The following OXR1 variants were observed in gnomAD, a reference collection of about 807,000 sequenced individuals.
OXR1 encodes the protein oxidation resistance 1, also known as oxidation resistance protein 1.
OXR1 carries 41 observed loss-of-function variants against 104.6 expected under a neutral mutation model. The ratio of observed to expected loss-of-function variants is 0.39; its 90% CI spans 0.31 to 0.51. The LOEUF (loss-of-function observed/expected upper bound fraction) is 0.51. OXR1 is among the 20% of genes least tolerant of loss of function. The pLI, the probability that OXR1 is intolerant of heterozygous loss-of-function variation, is 0.77. For synonymous variants in OXR1, 348 were observed against 348.4 expected (o/e 1.00, Z 0.01); for missense variants, 955 against 1,031.9 (o/e 0.93, Z 1.02).
At chr8:106,503,755 C>T (rs1039335900) in intron 2 of OXR1, among the ~76,000 whole-genome samples, 2 of 152,154 alleles carry the variant, frequency 1.3e-5, no homozygotes, top group Non-Finnish European at 2.9e-5. Context: ...AAGATGTGGC[C>T]TTACAAGAGA....
chr8:106,667,323 A>G (rs1379940955), intron 3 of OXR1, among the ~76,000 whole-genome samples: 1 of 152,216 alleles, frequency 6.6e-6, no homozygotes, highest in Non-Finnish European at 1.5e-5. Flanking sequence ...GTTTTCCTTA[A>G]TGATATTTCT....
chr8:106,708,610 T>C lies in OXR1; in HGVS notation c.1624+1465T>C, dbSNP rs139355015. Among the ~76,000 whole-genome samples the C allele has an allele frequency of 5.6e-4, 85 of 152,338 alleles. 1 individual carries two copies. In the East Asian group the frequency reaches 0.016, roughly 28 times the overall value. On this transcript the variant is annotated intron_variant, in intron 9 of 16. Transcript: ENST00000517566. ...TTATTCTGTAATATGTGTCAGAATT[T>C]CCTATCTTTTTAAGGCTGAATAATA...
intron 2 of OXR1, among the ~76,000 whole-genome samples, chr8:106,516,984 G>A (rs1812903022): frequency 6.6e-6 from 1 of 152,068 alleles, no homozygotes; most frequent in African/African-American, 2.4e-5. Flanking sequence ...TGGAAGTTTT[G>A]AAATATATCC....
intron 1 of OXR1, among the ~76,000 whole-genome samples, chr8:106,279,195 C>T (rs927992670): frequency 1.3e-5 from 2 of 152,122 alleles, no homozygotes; most frequent in Admixed American, 6.5e-5. Context: ...GGGTGTATAA[C>T]AGAGAAAGCA....
chr8:106,564,576 C>T (rs569835242), intron 3 of OXR1, among the ~76,000 whole-genome samples: 1 of 152,128 alleles, frequency 6.6e-6, no homozygotes, highest in African/African-American at 2.4e-5. Context: ...TGGTACCATT[C>T]CTTCTGAAAC....
At chr8:106,574,961 G>T (rs529040587) in intron 3 of OXR1, among the ~76,000 whole-genome samples, 117 of 152,148 alleles carry the variant, frequency 7.7e-4, no homozygotes, top group African/African-American at 2.4e-3. Context: ...TCTTTAGTTG[G>T]TTTTTTATGG....
At chr8:106,333,293 T>A (rs1222524815) in intron 1 of OXR1, among the ~76,000 whole-genome samples, 1 of 152,116 alleles carries the variant, frequency 6.6e-6, no homozygotes, top group East Asian at 1.9e-4. Flanking sequence ...AACCTTCTAG[T>A]CAACATTTTA....
chr8:106,303,936 T>C (rs997323641), intron 1 of OXR1, among the ~76,000 whole-genome samples: 2 of 152,186 alleles, frequency 1.3e-5, no homozygotes, highest in African/African-American at 4.8e-5. Flanking sequence ...TATTAACAAA[T>C]TAATCTGTAA....
At chr8:106,407,075 C>A (rs752981603) in intron 2 of OXR1, among the ~76,000 whole-genome samples, 8 of 152,116 alleles carry the variant, frequency 5.3e-5, no homozygotes, top group Non-Finnish European at 1.2e-4. Flanking sequence ...AATATAAAGA[C>A]TATTACTAAA....
chr8:106,688,869 T>G (rs942151729), intron 6 of OXR1, among the ~76,000 whole-genome samples: 1 of 152,106 alleles, frequency 6.6e-6, no homozygotes, highest in Non-Finnish European at 1.5e-5. Context: ...TGATGACTAC[T>G]AGCAAGTGCA....
intron 3 of OXR1, among the ~76,000 whole-genome samples, chr8:106,657,177 G>T (rs1339410387): frequency 6.6e-6 from 1 of 151,990 alleles, no homozygotes. Flanking sequence ...CCTCAATAAC[G>T]TTGCCTAAAC....
intron 10 of OXR1, among the ~76,000 whole-genome samples, chr8:106,711,535 C>G (rs1044783866): frequency 6.6e-6 from 1 of 152,054 alleles, no homozygotes; most frequent in Non-Finnish European, 1.5e-5. Flanking sequence ...ATTTACATAT[C>G]TGTGTGTGTA....
At chr8:106,435,810 T>A (rs10092860) in intron 2 of OXR1, among the ~76,000 whole-genome samples, 34,403 of 152,072 alleles carry the variant, frequency 0.23, 5,409 homozygotes, top group African/African-American at 0.42. Flanking sequence ...TCAGGTATAG[T>A]AACCATTCTT....
Position 106,507,382 on chromosome 8 carries a change from G to A in OXR1, c.24-11561G>A, listed in dbSNP as rs189321634. Among the ~76,000 whole-genome samples, 3 of 152,326 alleles carry A rather than the reference G, an allele frequency of 2.0e-5. No individual in the cohort carries two copies. In the East Asian group the frequency reaches 5.8e-4, roughly 29 times the overall value. ...AAGATCCCATAATAAGAAGGCAAGT[G>A]TCGAATGCCAGGCATTCTAACTTCA... On this transcript the variant is annotated intron_variant, in intron 2 of 16. Transcript: ENST00000517566.
intron 1 of OXR1, among the ~76,000 whole-genome samples, chr8:106,348,314 C>A (rs896888317): frequency 1.3e-5 from 2 of 152,148 alleles, no homozygotes; most frequent in Non-Finnish European, 2.9e-5. Context: ...CACACACGCA[C>A]ACACCCCTAC....
At position 106,710,789 on chromosome 8, in the gene OXR1, A is replaced by G; in HGVS notation, c.1792A>G (p.Arg598Gly). ...ATATTGGTTTGCTGTGCCACAAGAA[A>G]GGTAAAAAACCCATACGACACCTTG... ...HEYWFAVPQE[R>G]TDHLYAFFIQ... Residue 598 changes from arginine (R) to glycine (G), a missense_variant and splice_region_variant, in exon 10 of 17, where the codon AGG becomes GGG. Around this residue, in one of 2 missense-constraint regions of OXR1, gnomAD observed 849 missense variants for 852.9 expected, o/e 1.00. Transcript: ENST00000517566. 6.6e-7 allele frequency: 1 copy of G among 1,505,358 alleles called. No individual in the cohort carries two copies. The highest frequency in any genetic ancestry group is 8.9e-7 in the Non-Finnish European group (1 of 1,124,118). The allele number at this position is 1,505,358 out of a possible 1,614,324, so 93.3% of individuals were successfully genotyped here.
At chr8:106,462,951 T>G (rs1305578131) in intron 2 of OXR1, among the ~76,000 whole-genome samples, 1 of 152,126 alleles carries the variant, frequency 6.6e-6, no homozygotes, top group African/African-American at 2.4e-5. Flanking sequence ...CCTAACATTT[T>G]TATAATTCTT....
At chr8:106,662,839 G>GGATGATGATGAT (rs5893799) in intron 3 of OXR1, among the ~76,000 whole-genome samples, 4 of 149,000 alleles carry the variant, frequency 2.7e-5, no homozygotes, top group Admixed American at 6.7e-5. Flanking sequence ...TCAGTAAATG[G>GGATGATGATGAT]GATGATGATG....
intron 1 of OXR1, among the ~76,000 whole-genome samples, chr8:106,282,551 G>A (rs1812332459): frequency 6.6e-6 from 1 of 152,058 alleles, no homozygotes; most frequent in South Asian, 2.1e-4. Flanking sequence ...CAATAACATG[G>A]CTATTGTGTG....
Sources: gnomAD v4.1 joint callset for allele counts (sites outside exome capture counted in the v4.1 genomes callset) on GRCh38, gnomAD v4.1.1 for gene constraint, gnomAD v4.1.1 regional missense constraint, MANE v1.5 for transcripts, NCBI Gene and HGNC (gene_info 2026-07-23, HGNC 2026-07-21) for gene names.